The following SLC4A4 variants were observed in gnomAD, a reference collection of about 807,000 sequenced individuals.
The protein encoded by SLC4A4 is solute carrier family 4 member 4.
In SLC4A4, 27 loss-of-function variants were observed where a neutral mutation model predicts 111.5. The ratio of observed to expected loss-of-function variants is 0.24; its 90% confidence interval spans 0.18 to 0.33. The LOEUF (loss-of-function observed/expected upper bound fraction) is 0.33. Ranked by LOEUF, SLC4A4 falls within the 10% of genes least tolerant of loss-of-function variation. The probability of loss-of-function intolerance (pLI) is 1.00; values close to 1 mark genes in which losing one functional copy is unlikely to be tolerated. For missense variants in SLC4A4, 909 were observed against 1,315.5 expected (o/e 0.69, Z 4.78); for synonymous variants, 443 against 463.4 (o/e 0.96, Z 0.57).
rs575984081 is a variant in SLC4A4, at chr4:71,419,460, G to A, written c.808-21156G>A. ...AGTTTGATCTCAGACTGCTGTGCTA[G>A]CAATCAGCGAGACTCCGTGGGCGTA... On this transcript the variant is annotated intron_variant, in intron 7 of 25. Transcript: ENST00000264485. 4.6e-5 allele frequency among the ~76,000 whole-genome samples: 7 copies of A among 152,360 alleles called. No homozygotes were observed. The South Asian group carries it at 1.0e-3, about 23-fold the overall frequency.
intron 2 of SLC4A4, among the ~76,000 whole-genome samples, chr4:71,166,122 G>A (rs1744738175): frequency 6.6e-6 from 1 of 152,142 alleles, no homozygotes. Context: ...TTATTAAATA[G>A]CAGCACTGTT....
chr4:71,508,954 C>T lies in SLC4A4; in HGVS notation c.2166+11262C>T, dbSNP rs149853038. Reference sequence around the variant, plus strand: ...GGATGCAAGGTTGGTTCAACATATACAAATCAAGAAATGTGATTCATCACA... The same window carrying T: ...GGATGCAAGGTTGGTTCAACATATATAAATCAAGAAATGTGATTCATCACA... On this transcript the variant is annotated intron_variant, in intron 16 of 25. Transcript: ENST00000264485. 8.0e-3 allele frequency among the ~76,000 whole-genome samples: 1,211 copies of T among 152,242 alleles called. 22 individuals are homozygous for T. The highest frequency in any genetic ancestry group is 0.027 in the African/African-American group (1,131 of 41,546).
chr4:71,499,322 T>C (rs1418326355), intron 16 of SLC4A4, among the ~76,000 whole-genome samples: 1 of 152,140 alleles, frequency 6.6e-6, no homozygotes, highest in East Asian at 1.9e-4. Flanking sequence ...AAAATCTTAA[T>C]TGACCAATAA....
At chr4:71,149,264 A>G (rs1456687286) in intron 2 of SLC4A4, among the ~76,000 whole-genome samples, 4 of 152,026 alleles carry the variant, frequency 2.6e-5, no homozygotes, top group Non-Finnish European at 4.4e-5. Flanking sequence ...TATTATTATT[A>G]TTATTGGTTT....
rs986035062 is a variant in SLC4A4, at chr4:71,428,746, G to A, written c.808-11870G>A. Among the ~76,000 whole-genome samples the A allele has an allele frequency of 5.5e-4, 83 of 152,078 alleles. 5 individuals are homozygous for A. Among genetic ancestry groups the A allele is most frequent in the African/African-American group, 4.8e-5 (2 of 41,426 alleles). ...CAGGAAAACAGGTGAATGTTAGCATGTGGACATGAGGCAGGGTAAATAGAA... is the reference window on the plus strand; with the variant it reads ...CAGGAAAACAGGTGAATGTTAGCATATGGACATGAGGCAGGGTAAATAGAA... On this transcript the variant is annotated intron_variant, in intron 7 of 25. Transcript: ENST00000264485.
chr4:71,548,371 T>A (rs768466336), intron 20 of SLC4A4, among the ~76,000 whole-genome samples: 1 of 151,910 alleles, frequency 6.6e-6, no homozygotes, highest in Non-Finnish European at 1.5e-5. Context: ...TATTGATGGG[T>A]TGGATATCTG....
chr4:71,489,130 T>A (rs1487375945), intron 15 of SLC4A4, among the ~76,000 whole-genome samples: 1 of 151,724 alleles, frequency 6.6e-6, no homozygotes, highest in Admixed American at 6.6e-5. Context: ...ACAGTAATTG[T>A]CTATAATTCT....
At chr4:71,205,409 AG>A (rs1717686401) in intron 1 of SLC4A4, among the ~76,000 whole-genome samples, 1 of 152,120 alleles carries the variant, frequency 6.6e-6, no homozygotes, top group African/African-American at 2.4e-5. Context: ...TAAGGAGGTA[AG>A]GCCCCCCCAT....
rs1357131412 is a variant in SLC4A4 at position 71,450,404 on chromosome 4, G to C, written c.1069G>C (p.Ala357Pro). 1.2e-6 allele frequency: 2 copies of C among 1,610,932 alleles called. No homozygotes were observed. Reference protein sequence around the residue: ...LMSDEVFHDIAYKAKDRHDLI... With the variant: ...LMSDEVFHDIPYKAKDRHDLI... ...TATTCTTTAGGTGTTCCATGACATTGCTTATAAAGCAAAAGACAGGCACGA... is the reference window on the plus strand; with the variant it reads ...TATTCTTTAGGTGTTCCATGACATTCCTTATAAAGCAAAAGACAGGCACGA... The change falls in exon 10 of 26, where the codon GCT (alanine) becomes CCT (proline). Residue 357 changes from alanine (A) to proline (P), a missense_variant. Around this residue, in one of 7 missense-constraint regions of SLC4A4, gnomAD observed 312 missense variants for 402.0 expected, o/e 0.78. Coordinates refer to ENST00000264485, the MANE Select transcript of SLC4A4 (RefSeq NM_001098484.3).
In SLC4A4 at chr4:71,492,037, C is replaced by G. The variant is rs539218603; in HGVS notation, c.1974+5019C>G. Among the ~76,000 whole-genome samples the G allele has an allele frequency of 7.9e-5, 12 of 151,584 alleles. No homozygotes were observed. In the East Asian group the frequency reaches 2.3e-3, roughly 30 times the overall value. ...CCTTCATGATGATTCTAGGAATTAA[C>G]ATTCATTTCATGGGAAATGGAATGT... is the stretch of plus-strand genomic sequence containing the variant. On this transcript the variant is annotated intron_variant, in intron 15 of 25. Transcript: ENST00000264485.
At position 71,559,956 on chromosome 4, in the gene SLC4A4, G is replaced by A. The variant is rs894888937; in HGVS notation, c.2938-137G>A. ...AGTTCACTCGGTATAAGTCCATACC[G>A]TCAAGATCAGGTCTGTCATACTCTA... On this transcript the variant is annotated intron_variant, in intron 22 of 25. Transcript: ENST00000264485. 33 of 704,266 alleles carry A rather than the reference G, an allele frequency of 4.7e-5. 1 individual carries two copies. Among genetic ancestry groups the A allele is most frequent in the Middle Eastern group, 2.7e-4 (1 of 3,718 alleles). 43.6% of individuals were successfully genotyped at this position (704,266 alleles called of 1,614,324 possible).
At chr4:71,123,025 TAAAAG>T (rs1028760656) in intron 2 of SLC4A4, among the ~76,000 whole-genome samples, 68 of 152,182 alleles carry the variant, frequency 4.5e-4, no homozygotes, top group African/African-American at 1.6e-3. Context: ...AATGAAAAGA[TAAAAG>T]AGAACAAGAA....
chr4:71,273,058 G>A (rs905818925), intron 3 of SLC4A4, among the ~76,000 whole-genome samples: 1 of 152,112 alleles, frequency 6.6e-6, no homozygotes, highest in African/African-American at 2.4e-5. Context: ...ATAAGAATAG[G>A]TAATGCTCAC....
At chr4:71,551,617 C>T (rs1736002427) in intron 20 of SLC4A4, among the ~76,000 whole-genome samples, 1 of 152,028 alleles carries the variant, frequency 6.6e-6, no homozygotes, top group Non-Finnish European at 1.5e-5. Flanking sequence ...TCAGGCAGTT[C>T]TGACATGAAA....
intron 2 of SLC4A4, among the ~76,000 whole-genome samples, chr4:71,146,302 G>T (rs1258554501): frequency 1.3e-5 from 2 of 152,122 alleles, no homozygotes; most frequent in Non-Finnish European, 2.9e-5. Context: ...ATTGCACTGT[G>T]GTCTGAGAGA....
At chr4:71,328,321 A>C (rs948566828) in intron 3 of SLC4A4, among the ~76,000 whole-genome samples, 1 of 152,086 alleles carries the variant, frequency 6.6e-6, no homozygotes, top group African/African-American at 2.4e-5. Context: ...TGATATACTG[A>C]TTTCCTTTCT....
intron 12 of SLC4A4, among the ~76,000 whole-genome samples, chr4:71,457,181 G>A (rs1385618972): frequency 6.6e-6 from 1 of 152,098 alleles, no homozygotes; most frequent in Non-Finnish European, 1.5e-5. Context: ...TTATGTTAGA[G>A]CATATATATA....
At chr4:71,081,147 A>G (rs1184916518) in intron 1 of SLC4A4, among the ~76,000 whole-genome samples, 1 of 152,096 alleles carries the variant, frequency 6.6e-6, no homozygotes, top group Non-Finnish European at 1.5e-5. Context: ...AGTTACTGTG[A>G]CTTGAACATC....
intron 5 of SLC4A4, among the ~76,000 whole-genome samples, chr4:71,356,763 T>C (rs751278116): frequency 2.6e-5 from 4 of 152,226 alleles, no homozygotes; most frequent in Non-Finnish European, 5.9e-5. Context: ...ATCTGACTTA[T>C]GTGAATACAT....
Sources: gnomAD v4.1 joint callset for allele counts (sites outside exome capture counted in the v4.1 genomes callset) on GRCh38, gnomAD v4.1.1 for gene constraint, gnomAD v4.1.1 regional missense constraint, MANE v1.5 for transcripts, NCBI Gene and HGNC (gene_info 2026-07-23, HGNC 2026-07-21) for gene names.